Variants in DGAT2 observed in about 807,000 individuals in gnomAD.
DGAT2 encodes acyl-CoA retinol O-fatty-acyltransferase.
Under a neutral mutation model 48.4 loss-of-function variants are expected in DGAT2, and 33 were observed. The observed-to-expected ratio is 0.68, with a 90% CI of 0.52 to 0.91. The LOEUF (loss-of-function observed/expected upper bound fraction) is 0.91, where lower values mean the gene tolerates loss of function less well. DGAT2 is among the 40% of genes least tolerant of loss of function. DGAT2 has a pLI of 0.00. For synonymous variants in DGAT2, 191 were observed against 194.1 expected (o/e 0.98, Z 0.13); for missense variants, 446 against 493.7 (o/e 0.90, Z 0.92).
rs757328907 is a variant in DGAT2 at position 75,797,165 on chromosome 11, C to T, written c.642C>T (p.Cys214=). The T allele has an allele frequency of 2.7e-6, 4 of 1,490,466 alleles. No individual in the cohort carries two copies. The East Asian group carries it at 7.7e-5, about 29-fold the overall frequency. The allele number at this position is 1,490,466 out of a possible 1,614,324, so 92.3% of individuals were successfully genotyped here. Residue 214 remains cysteine (C), a synonymous_variant, in exon 6 of 8, where the codon TGC becomes TGT. Transcript: ENST00000228027. ...GTCCTTCCCTCCCCTCAGGTATCTGCCCTGTCAGCCGGGACACCATAGACT... is the reference window on the plus strand; with the variant it reads ...GTCCTTCCCTCCCCTCAGGTATCTGTCCTGTCAGCCGGGACACCATAGACT... ...LREYLMSGGI[C]PVSRDTIDYL...
At chr11:75,796,602 T>TGACAC in intron 5 of DGAT2, 70 bp downstream of exon 5, 1 of 1,504,492 alleles carries the variant, frequency 6.6e-7, no homozygotes, top group Middle Eastern at 2.4e-4. Context: ...TCGGGCAGGG[T>TGACAC]GACACAGGGA....
chr11:75,800,485 A>G lies in DGAT2; in HGVS notation c.1144A>G (p.Thr382Ala), dbSNP rs1250324056. ...CAAGACCAAGTTCGGCCTCCCGGAG[A>G]CTGAGGTCCTGGAGGTGAACTGAGC... ...KHKTKFGLPETEVLEVN is the reference protein window; with the variant it reads ...KHKTKFGLPEAEVLEVN The change falls in exon 8 of 8, where the codon ACT (threonine) becomes GCT (alanine). Residue 382 changes from threonine (T) to alanine (A), a missense_variant. Coordinates refer to ENST00000228027, the MANE Select transcript of DGAT2 (RefSeq NM_032564.5). 1.2e-6 allele frequency: 2 copies of G among 1,613,972 alleles called. No homozygotes were observed. The highest frequency in any genetic ancestry group is 2.2e-5 in the East Asian group (1 of 44,882).
chr11:75,768,833 C>A lies in DGAT2; in HGVS notation c.-159C>A. 1 of 970,852 alleles carries A rather than the reference C, an allele frequency of 1.0e-6. No homozygotes were observed. Among genetic ancestry groups the A allele is most frequent in the Non-Finnish European group, 1.4e-6 (1 of 725,176 alleles). The allele number at this position is 970,852 out of a possible 1,614,324, so 60.1% of individuals were successfully genotyped here. Reference sequence around the variant, plus strand: ...GCTGTTTCTCTCGCGCCACCACTGGCCGCCGGCCGCAGCTCCAGGTGTCCT... The same window carrying A: ...GCTGTTTCTCTCGCGCCACCACTGGACGCCGGCCGCAGCTCCAGGTGTCCT... On this transcript the variant is annotated 5_prime_UTR_variant, in exon 1 of 8. Coordinates refer to ENST00000228027, the MANE Select transcript of DGAT2 (RefSeq NM_032564.5).
At chr11:75,784,801 A>G (rs914845733) in intron 2 of DGAT2, 55 bp downstream of exon 2, 1 of 1,610,246 alleles carries the variant, frequency 6.2e-7, no homozygotes, top group Non-Finnish European at 8.5e-7. Flanking sequence ...ACTTCCCCAA[A>G]AGAGGTAGAG....
intron 1 of DGAT2, among the ~76,000 whole-genome samples, chr11:75,773,509 T>C (rs915457360): frequency 6.6e-6 from 1 of 152,176 alleles, no homozygotes; most frequent in Middle Eastern, 3.2e-3. Flanking sequence ...TTCTCAAGGA[T>C]GGAGGGTTTG....
At position 75,769,068 on chromosome 11, in the gene DGAT2, C is replaced by G; in HGVS notation, c.77C>G (p.Ser26Cys). 1.9e-6 allele frequency: 3 copies of G among 1,582,666 alleles called. No individual in the cohort carries two copies. Among genetic ancestry groups the G allele is most frequent in the Non-Finnish European group, 2.6e-6 (3 of 1,167,264 alleles). ...RQAEADRSQRSHGGPALSREG... is the reference protein window; with the variant it reads ...RQAEADRSQRCHGGPALSREG... ...GCCGAGGCTGACCGGAGCCAGCGCT[C>G]TCACGGAGGACCTGCGCTGTCGCGC... is the stretch of plus-strand genomic sequence containing the variant. The change falls in exon 1 of 8, where the codon TCT becomes TGT. Residue 26 changes from serine (S) to cysteine (C), a missense_variant. By Grantham distance (112) the Ser-to-Cys change is moderately radical (BLOSUM62 -1). Transcript: ENST00000228027.
chr11:75,796,102 C>T, intron 4 of DGAT2: 5 of 565,228 alleles, frequency 8.8e-6, no homozygotes, highest in Non-Finnish European at 1.3e-5. Context: ...CAAGGGCAAA[C>T]ATTGCCCACC....
chr11:75,783,878 T>C (rs1221262448), intron 1 of DGAT2, among the ~76,000 whole-genome samples: 1 of 152,180 alleles, frequency 6.6e-6, no homozygotes, highest in Non-Finnish European at 1.5e-5. Context: ...ACTTGATTGA[T>C]AGTGAACATA....
chr11:75,788,263 A>G (rs889714119), intron 2 of DGAT2, among the ~76,000 whole-genome samples: 1 of 152,220 alleles, frequency 6.6e-6, no homozygotes, highest in Non-Finnish European at 1.5e-5. Context: ...AAAGGGAATC[A>G]GGCAGACTGC....
intron 2 of DGAT2, among the ~76,000 whole-genome samples, chr11:75,785,347 A>G (rs1325875608): frequency 1.3e-5 from 2 of 152,212 alleles, no homozygotes; most frequent in Non-Finnish European, 2.9e-5. Flanking sequence ...TTACATGGGA[A>G]TCATCGGGAG....
chr11:75,771,699 G>C (rs924841425), intron 1 of DGAT2, among the ~76,000 whole-genome samples: 1 of 152,100 alleles, frequency 6.6e-6, no homozygotes, highest in African/African-American at 2.4e-5. Flanking sequence ...TTACTCTCAT[G>C]CTTCCCTCTC....
chr11:75,796,803 A>G (rs1213380105), intron 5 of DGAT2: 1 of 521,602 alleles, frequency 1.9e-6, no homozygotes, highest in Non-Finnish European at 3.4e-6. Flanking sequence ...CCTTTTGTAC[A>G]ACCTGATTGT....
intron 4 of DGAT2, chr11:75,794,075 G>C (rs1053042984): frequency 6.6e-6 from 1 of 152,354 alleles, no homozygotes; most frequent in East Asian, 1.9e-4. Flanking sequence ...AGGGCAAAGC[G>C]GGAGAAAGAG....
At chr11:75,773,170 G>T (rs1044524415) in intron 1 of DGAT2, among the ~76,000 whole-genome samples, 2 of 152,230 alleles carry the variant, frequency 1.3e-5, no homozygotes, top group African/African-American at 4.8e-5. Flanking sequence ...CTTGGAGGAA[G>T]CCCTGCTTTT....
chr11:75,787,202 A>G (rs1324661441), intron 2 of DGAT2, among the ~76,000 whole-genome samples: 3 of 152,174 alleles, frequency 2.0e-5, no homozygotes, highest in Non-Finnish European at 4.4e-5. Context: ...TCCATAAGAG[A>G]TAAGTGAAAA....
At chr11:75,792,379 G>A (rs73504581) in intron 4 of DGAT2, 4,393 of 152,296 alleles carry the variant, frequency 0.029, 221 homozygotes, top group African/African-American at 0.1. Flanking sequence ...TGATCAACCC[G>A]GGGCTTAGGC....
chr11:75,768,823 C>T lies in DGAT2; in HGVS notation c.-169C>T, dbSNP rs1489682673. The T allele has an allele frequency of 1.5e-5, 13 of 854,522 alleles. No individual in the cohort carries two copies. The South Asian group carries it at 3.0e-4, about 20-fold the overall frequency. The allele number at this position is 854,522 out of a possible 1,614,324, so 52.9% of individuals were successfully genotyped here. A position where few individuals can be genotyped will look rare whatever the true frequency, so the allele number is the denominator to read the frequency against. On this transcript the variant is annotated 5_prime_UTR_variant, in exon 1 of 8. Transcript: ENST00000228027. The stretch of plus-strand genomic sequence containing the variant: ...TGGGGTCTAGGCTGTTTCTCTCGCG[C>T]CACCACTGGCCGCCGGCCGCAGCTC...
At position 75,768,830 on chromosome 11, in the gene DGAT2, T is replaced by A. The variant is rs1043690233; in HGVS notation, c.-162T>A. ...TAGGCTGTTTCTCTCGCGCCACCACTGGCCGCCGGCCGCAGCTCCAGGTGT... is the reference window on the plus strand; with the variant it reads ...TAGGCTGTTTCTCTCGCGCCACCACAGGCCGCCGGCCGCAGCTCCAGGTGT... On this transcript the variant is annotated 5_prime_UTR_variant, in exon 1 of 8. Coordinates refer to ENST00000228027, the MANE Select transcript of DGAT2 (RefSeq NM_032564.5). 3 of 944,046 alleles carry A rather than the reference T, an allele frequency of 3.2e-6. No individual in the cohort carries two copies. Among genetic ancestry groups the A allele is most frequent in the Non-Finnish European group, 4.3e-6 (3 of 700,462 alleles). 58.5% of individuals were successfully genotyped at this position (944,046 alleles called of 1,614,324 possible).
intron 2 of DGAT2, among the ~76,000 whole-genome samples, chr11:75,788,361 G>A (rs1020024876): frequency 1.3e-5 from 2 of 152,168 alleles, no homozygotes; most frequent in African/African-American, 4.8e-5. Flanking sequence ...CTTTTAACAG[G>A]CTCTTGTAGG....
Sources: gnomAD v4.1 joint callset for allele counts (sites outside exome capture counted in the v4.1 genomes callset) on GRCh38, gnomAD v4.1.1 for gene constraint, MANE v1.5 for transcripts, NCBI Gene and HGNC (gene_info 2026-07-23, HGNC 2026-07-21) for gene names.